SNRK: variants seen among roughly 807,000 people sequenced by gnomAD.
SNRK encodes SNF related kinase, also known as SNF-related serine/threonine-protein kinase.
A neutral mutation model predicts 48.2 loss-of-function variants in SNRK; 3 were observed. That is an observed-to-expected ratio of 0.06 (90% CI 0.03 to 0.16). The LOEUF (loss-of-function observed/expected upper bound fraction) is 0.16. Ranked by LOEUF, SNRK falls within the 10% of genes least tolerant of loss-of-function variation. The pLI is 1.00. For missense variants in SNRK, 627 were observed against 976.0 expected (o/e 0.64, Z 4.76); for synonymous variants, 376 against 366.1 (o/e 1.03, Z -0.31).
At chr3:43,345,526 T>A (rs944355018) in intron 6 of SNRK, among the ~76,000 whole-genome samples, 1 of 152,136 alleles carries the variant, frequency 6.6e-6, no homozygotes, top group Non-Finnish European at 1.5e-5. Context: ...GAGACTGATA[T>A]CCAGTCTCCT....
At chr3:43,341,398 G>T (rs1031211479) in intron 5 of SNRK, among the ~76,000 whole-genome samples, 1 of 152,106 alleles carries the variant, frequency 6.6e-6, no homozygotes, top group East Asian at 1.9e-4. Context: ...TGATCCGCCC[G>T]CCTTGGCCTC....
intron 1 of SNRK, among the ~76,000 whole-genome samples, chr3:43,297,499 T>C (rs1347093852): frequency 1.3e-5 from 2 of 152,156 alleles, no homozygotes; most frequent in African/African-American, 4.8e-5. Context: ...CCATATATTA[T>C]GAATAGAAAA....
At position 43,348,640 on chromosome 3, in the gene SNRK, T is replaced by G. The variant is rs1286260967; in HGVS notation, c.*83T>G. 3 of 1,357,680 alleles carry G rather than the reference T, an allele frequency of 2.2e-6. No homozygotes were observed. The highest frequency in any genetic ancestry group is 2.9e-6 in the Non-Finnish European group (3 of 1,047,200). 84.1% of individuals were successfully genotyped at this position (1,357,680 alleles called of 1,614,324 possible). On this transcript the variant is annotated 3_prime_UTR_variant, in exon 7 of 7. Coordinates refer to ENST00000296088, the MANE Select transcript of SNRK (RefSeq NM_017719.5). ...ACTTCACTGTTCCATTTGGTTTTACTATTTTAAAGTGGGCGTTAGGAGCAA... is the reference window on the plus strand; with the variant it reads ...ACTTCACTGTTCCATTTGGTTTTACGATTTTAAAGTGGGCGTTAGGAGCAA...
chr3:43,297,490 C>T (rs2090865055), intron 1 of SNRK, among the ~76,000 whole-genome samples: 1 of 151,866 alleles, frequency 6.6e-6, no homozygotes, highest in African/African-American at 2.4e-5. Flanking sequence ...TGTGTCTGGC[C>T]ATATATTATG....
chr3:43,312,076 G>A (rs1383042116), intron 3 of SNRK, among the ~76,000 whole-genome samples: 1 of 152,052 alleles, frequency 6.6e-6, no homozygotes, highest in Non-Finnish European at 1.5e-5. Context: ...CTAAGGTTTG[G>A]AGTCTTCTAG....
At chr3:43,336,775 G>A (rs988437752) in intron 4 of SNRK, among the ~76,000 whole-genome samples, 7 of 133,814 alleles carry the variant, frequency 5.2e-5, no homozygotes, top group South Asian at 2.4e-4. Flanking sequence ...TTTTCGAGAC[G>A]GAGTCTCGCT....
intron 3 of SNRK, among the ~76,000 whole-genome samples, chr3:43,329,090 T>C (rs2091125543): frequency 6.6e-6 from 1 of 152,246 alleles, no homozygotes; most frequent in Non-Finnish European, 1.5e-5. Flanking sequence ...GTTAAAGTCG[T>C]AGCGCTCTGT....
At chr3:43,324,502 C>CT (rs1436387012) in intron 3 of SNRK, among the ~76,000 whole-genome samples, 1 of 128,954 alleles carries the variant, frequency 7.8e-6, no homozygotes, top group Admixed American at 8.3e-5. Flanking sequence ...GGGTGAGACT[C>CT]TGTCTCAAAA....
intron 3 of SNRK, among the ~76,000 whole-genome samples, chr3:43,305,777 A>G (rs1427941756): frequency 1.3e-5 from 2 of 152,088 alleles, no homozygotes; most frequent in African/African-American, 2.4e-5. Flanking sequence ...GAGCCACCGC[A>G]CCCAGCCAAC....
intron 4 of SNRK, among the ~76,000 whole-genome samples, chr3:43,334,460 CA>C (rs1196622842): frequency 2.0e-3 from 276 of 135,802 alleles, no homozygotes; most frequent in Middle Eastern, 3.8e-3. Flanking sequence ...GACCCTGTCT[CA>C]AAAAAAAAAA....
Position 43,303,891 on chromosome 3 carries a change from T to A in SNRK, c.589+99T>A. 1.1e-6 allele frequency: 1 copy of A among 921,694 alleles called. No individual in the cohort carries two copies. Among genetic ancestry groups the A allele is most frequent in the Non-Finnish European group, 1.7e-6 (1 of 605,912 alleles). 57.1% of individuals were successfully genotyped at this position (921,694 alleles called of 1,614,324 possible). ...AAAAATGATTTCTAGAGAATTTCTG[T>A]TAAATTGGCCTTAACTAGCAAATTG... is the stretch of plus-strand genomic sequence containing the variant. On this transcript the variant is annotated intron_variant, in intron 3 of 6. Transcript: ENST00000296088. This position sits in a 1 kb window ranked among gnomAD's most constrained non-coding sequence, Gnocchi z 6.2.
At position 43,316,624 on chromosome 3, in the gene SNRK, A is replaced by AT. The variant is rs951684121; in HGVS notation, c.589+12842dup. Among the ~76,000 whole-genome samples, 32 of 150,450 alleles carry AT rather than the reference A, an allele frequency of 2.1e-4. No individual in the cohort carries two copies. In the East Asian group the frequency reaches 2.3e-3, roughly 11 times the overall value. On this transcript the variant is annotated intron_variant, in intron 3 of 6. Transcript: ENST00000296088. The stretch of plus-strand genomic sequence containing the variant: ...TTTTGATGTTGATAATTGGAGCTTA[A>AT]TTTTTTTTTTCTTCCCTGCCTCCCA...
In SNRK at chr3:43,340,290, A is replaced by G. The variant is rs186881055; in HGVS notation, c.735A>G (p.Leu245=). ...PSHVSKECKD[L]ITRMLQRDPK... ...ATGGACTTACCTTCCTTTCCAGCCT[A>G]ATCACACGGATGCTACAGAGAGATC... Residue 245 remains leucine, a synonymous_variant, in exon 5 of 7, where the codon CTA becomes CTG. Transcript: ENST00000296088. 52 of 1,613,730 alleles carry G rather than the reference A, an allele frequency of 3.2e-5. No individual in the cohort carries two copies. The African/African-American group carries it at 6.7e-4, about 21-fold the overall frequency.
In SNRK at chr3:43,350,950, G is replaced by A. The variant is rs370540817; in HGVS notation, c.*2393G>A. 10 of 152,708 alleles carry A rather than the reference G, an allele frequency of 6.5e-5. No individual in the cohort carries two copies. In the East Asian group the frequency reaches 1.5e-3, roughly 24 times the overall value. The allele number at this position is 152,708 out of a possible 1,614,324, so 9.5% of individuals were successfully genotyped here. ...TGACACCAATTTTAAGAATAGCTGT[G>A]AGACCGAATTAAAGATAATCCCTAC... On this transcript the variant is annotated 3_prime_UTR_variant, in exon 7 of 7. Transcript: ENST00000296088.
intron 3 of SNRK, among the ~76,000 whole-genome samples, chr3:43,306,751 C>T (rs1228372671): frequency 1.3e-5 from 2 of 152,192 alleles, no homozygotes; most frequent in Non-Finnish European, 2.9e-5. Flanking sequence ...TTTCACTCTG[C>T]AGTTGTCCTT....
intron 3 of SNRK, among the ~76,000 whole-genome samples, chr3:43,306,142 T>G (rs1256840681): frequency 6.6e-6 from 1 of 152,110 alleles, no homozygotes; most frequent in Non-Finnish European, 1.5e-5. Flanking sequence ...TTGGGTGGAG[T>G]TCATAGGTAA....
intron 3 of SNRK, among the ~76,000 whole-genome samples, chr3:43,320,755 A>ATTT (rs1427640412): frequency 2.0e-5 from 3 of 151,952 alleles, no homozygotes; most frequent in African/African-American, 7.2e-5. Context: ...ATGTAAGTTG[A>ATTT]TTAGGTTTAA....
Position 43,327,871 on chromosome 3 carries a change from C to T in SNRK, c.590-4298C>T, listed in dbSNP as rs79697496. ...TATTTCCAGCTAGCTTGAAGGCAGCCAGTAAGGGGAACTTGTAACTCCCAC... is the reference window on the plus strand; with the variant it reads ...TATTTCCAGCTAGCTTGAAGGCAGCTAGTAAGGGGAACTTGTAACTCCCAC... On this transcript the variant is annotated intron_variant, in intron 3 of 6. Transcript: ENST00000296088. 2.3e-4 allele frequency among the ~76,000 whole-genome samples: 35 copies of T among 152,070 alleles called. No individual in the cohort carries two copies. In the East Asian group the frequency reaches 4.4e-3, roughly 19 times the overall value.
At chr3:43,329,908 A>G (rs2091133115) in intron 3 of SNRK, among the ~76,000 whole-genome samples, 1 of 152,200 alleles carries the variant, frequency 6.6e-6, no homozygotes, top group Non-Finnish European at 1.5e-5. Flanking sequence ...TATTTATATT[A>G]TTCATTATAT....
Sources: allele counts gnomAD v4.1 joint callset (sites outside exome capture counted in the v4.1 genomes callset), GRCh38; gene constraint gnomAD v4.1.1; non-coding constraint Gnocchi (gnomAD v3.1); transcripts MANE v1.5; gene names NCBI Gene and HGNC (gene_info 2026-07-23, HGNC 2026-07-21).